FGD4: variants seen among roughly 807,000 people sequenced by gnomAD.
FGD4 encodes the protein FYVE, RhoGEF and PH domain-containing protein 4.
Under a neutral mutation model 102.0 loss-of-function variants are expected in FGD4, and 42 were observed. The observed-to-expected ratio is 0.41, with a 90% CI of 0.32 to 0.53. The LOEUF (loss-of-function observed/expected upper bound fraction) is 0.53. Among genes scored for constraint, FGD4 ranks in the 20% least tolerant of loss-of-function variants. FGD4 has a pLI of 0.21. For synonymous variants in FGD4, 380 were observed against 375.7 expected, an observed-to-expected ratio of 1.01 and a Z score of -0.13; for missense variants, 902 against 1,078.2, an observed-to-expected ratio of 0.84 and a Z score of 2.29.
chr12:32,436,268 C>G (rs1426306242), intron 1 of FGD4, among the ~76,000 whole-genome samples: 1 of 152,152 alleles, frequency 6.6e-6, no homozygotes, highest in African/African-American at 2.4e-5. Context: ...AAGTTTAAAA[C>G]TTAATCAGCA....
intron 1 of FGD4, among the ~76,000 whole-genome samples, chr12:32,448,398 C>T (rs1942681226): frequency 2.0e-5 from 3 of 152,122 alleles, no homozygotes; most frequent in South Asian, 4.1e-4. Context: ...TAGCTCACCC[C>T]TGTAATCCTA....
At chr12:32,615,139 C>T (rs903663022) in intron 10 of FGD4, among the ~76,000 whole-genome samples, 4 of 151,920 alleles carry the variant, frequency 2.6e-5, no homozygotes, top group East Asian at 3.9e-4. Context: ...TAGTATATGT[C>T]GAGAAAAAGG....
intron 1 of FGD4, among the ~76,000 whole-genome samples, chr12:32,401,241 G>T (rs574349804): frequency 6.6e-6 from 1 of 152,314 alleles, no homozygotes; most frequent in South Asian, 2.1e-4. Flanking sequence ...ACTGTTTTCA[G>T]TTGGAGAATA....
At chr12:32,603,669 G>A (rs1482121985) in intron 7 of FGD4, among the ~76,000 whole-genome samples, 1 of 151,946 alleles carries the variant, frequency 6.6e-6, no homozygotes, top group Non-Finnish European at 1.5e-5. Context: ...ATAGGCGTGA[G>A]CCACCGCGCC....
intron 15 of FGD4, among the ~76,000 whole-genome samples, chr12:32,634,370 A>G (rs184929681): frequency 7.4e-4 from 112 of 152,302 alleles, no homozygotes; most frequent in African/African-American, 2.6e-3. Flanking sequence ...CCAACTTTTT[A>G]TAGTAAAATA....
chr12:32,434,077 A>C (rs1022266219), intron 1 of FGD4, among the ~76,000 whole-genome samples: 12 of 151,768 alleles, frequency 7.9e-5, no homozygotes, highest in Non-Finnish European at 1.8e-4. Context: ...GATGGTCTTG[A>C]TCTCCTGACC....
chr12:32,631,740 G>A (rs1323540726), intron 14 of FGD4, among the ~76,000 whole-genome samples: 2 of 151,966 alleles, frequency 1.3e-5, no homozygotes, highest in African/African-American at 2.4e-5. Context: ...TCCTGACCTC[G>A]TGATCTGCCT....
intron 2 of FGD4, among the ~76,000 whole-genome samples, chr12:32,564,583 T>TA (rs1330081975): frequency 6.6e-6 from 1 of 152,214 alleles, no homozygotes; most frequent in Non-Finnish European, 1.5e-5. Context: ...TACAGGGACT[T>TA]ACTGTCTGTG....
intron 1 of FGD4, among the ~76,000 whole-genome samples, chr12:32,542,150 A>G (rs1048960063): frequency 9.5e-6 from 1 of 104,778 alleles, no homozygotes; most frequent in Admixed American, 9.1e-5. Context: ...GTGAAGCAAA[A>G]TACAGGTTGA....
At chr12:32,472,964 A>G (rs1211397188) in intron 1 of FGD4, among the ~76,000 whole-genome samples, 1 of 152,020 alleles carries the variant, frequency 6.6e-6, no homozygotes, top group African/African-American at 2.4e-5. Context: ...AGGTTTGTAA[A>G]CACACCAATC....
At position 32,399,871 on chromosome 12, in the gene FGD4, G is replaced by C. The variant is rs1345444611; in HGVS notation, c.78G>C (p.Gly26=). The C allele has an allele frequency of 6.5e-7, 1 of 1,531,440 alleles. No individual in the cohort carries two copies. The highest frequency in any genetic ancestry group is 8.7e-7 in the Non-Finnish European group (1 of 1,145,270). 94.9% of individuals were successfully genotyped at this position (1,531,440 alleles called of 1,614,324 possible). Reference sequence around the variant, plus strand: ...CCAACCCCTCCTACCTGCCGCCCGGGGTGCCCCGGCCCTGGAGCAGGCCCG... The same window carrying C: ...CCAACCCCTCCTACCTGCCGCCCGGCGTGCCCCGGCCCTGGAGCAGGCCCG... The part of the protein sequence containing the change: ...RKSNPSYLPP[G]VPRPWSRPAS... The change falls in exon 1 of 17, where the codon GGG becomes GGC. Residue 26 remains glycine, a synonymous_variant. Coordinates refer to ENST00000534526, the MANE Select transcript of FGD4 (RefSeq NM_001370298.3).
intron 4 of FGD4, among the ~76,000 whole-genome samples, chr12:32,584,201 C>G (rs1946827346): frequency 6.6e-6 from 1 of 152,212 alleles, no homozygotes; most frequent in Non-Finnish European, 1.5e-5. Context: ...CAAATTTTCT[C>G]TGCAGAGCGG....
intron 3 of FGD4, among the ~76,000 whole-genome samples, chr12:32,576,786 C>T (rs1247803660): frequency 6.6e-6 from 1 of 152,126 alleles, no homozygotes; most frequent in Non-Finnish European, 1.5e-5. Context: ...GTGGGACGCT[C>T]AATATCTGGG....
intron 2 of FGD4, among the ~76,000 whole-genome samples, chr12:32,571,988 C>T (rs929987134): frequency 1.8e-4 from 27 of 151,964 alleles, no homozygotes; most frequent in African/African-American, 5.1e-4. Flanking sequence ...TCACTTATGC[C>T]CAGGAGTTTG....
intron 1 of FGD4, among the ~76,000 whole-genome samples, chr12:32,533,639 GGTTTC>G (rs1371726796): frequency 1.3e-5 from 2 of 152,134 alleles, no homozygotes; most frequent in African/African-American, 4.8e-5. Context: ...TGGCCAGGCT[GGTTTC>G]GAACTCCTGA....
intron 4 of FGD4, among the ~76,000 whole-genome samples, chr12:32,584,600 CA>C (rs201327811): frequency 1.0e-4 from 15 of 148,756 alleles, no homozygotes; most frequent in African/African-American, 3.7e-4. Context: ...CCCCCCCTCC[CA>C]AAAAAAAAGA....
intron 1 of FGD4, among the ~76,000 whole-genome samples, chr12:32,465,955 T>G (rs1198827057): frequency 6.6e-6 from 1 of 152,132 alleles, no homozygotes; most frequent in Non-Finnish European, 1.5e-5. Flanking sequence ...CTTTTTAAAT[T>G]TTTGTAGTGA....
chr12:32,404,053 A>C (rs939456544), intron 1 of FGD4, among the ~76,000 whole-genome samples: 2 of 150,548 alleles, frequency 1.3e-5, no homozygotes, highest in Non-Finnish European at 2.9e-5. Context: ...GCATGGTCTT[A>C]CAAGTTAGTT....
At chr12:32,546,319 C>A (rs1019761736) in intron 1 of FGD4, among the ~76,000 whole-genome samples, 2 of 152,208 alleles carry the variant, frequency 1.3e-5, no homozygotes, top group Non-Finnish European at 2.9e-5. Flanking sequence ...CCGCCTCAGC[C>A]TTCCAAGTAG....
Sources: gnomAD v4.1 joint callset for allele counts (sites outside exome capture counted in the v4.1 genomes callset) on GRCh38, gnomAD v4.1.1 for gene constraint, MANE v1.5 for transcripts, NCBI Gene and HGNC (gene_info 2026-07-23, HGNC 2026-07-21) for gene names.